Variants in ADGRL3 observed in about 807,000 individuals in gnomAD.
ADGRL3 encodes the protein calcium-independent alpha-latrotoxin receptor 3.
Under a neutral mutation model 153.5 loss-of-function variants are expected in ADGRL3, and 62 were observed. The ratio of observed to expected loss-of-function variants is 0.40; its 90% CI spans 0.33 to 0.50. ADGRL3 has a LOEUF of 0.50. ADGRL3 is among the 20% of genes least tolerant of loss of function. The pLI, the probability that ADGRL3 is intolerant of heterozygous loss-of-function variation, is 0.47. For synonymous variants in ADGRL3, 710 were observed against 672.5 expected (o/e 1.06, Z -0.86); for missense variants, 1,641 against 1,859.4 (o/e 0.88, Z 2.16).
intron 4 of ADGRL3, among the ~76,000 whole-genome samples, chr4:61,561,746 A>T: frequency 6.6e-6 from 1 of 152,244 alleles, no homozygotes. Flanking sequence ...ATAAAAATGT[A>T]TCATATAAAC....
chr4:61,589,294 G>C (rs1218520281), intron 5 of ADGRL3, among the ~76,000 whole-genome samples: 2 of 152,076 alleles, frequency 1.3e-5, no homozygotes, highest in African/African-American at 4.8e-5. Flanking sequence ...AAATGTACTA[G>C]ATTTAGACTT....
chr4:61,262,434 C>T (rs546629541), intron 1 of ADGRL3, among the ~76,000 whole-genome samples: 14 of 152,034 alleles, frequency 9.2e-5, no homozygotes, highest in South Asian at 2.1e-4. Context: ...AAATTAAGGT[C>T]GCCATTGTGT....
At chr4:61,227,446 C>T (rs554971061) in intron 1 of ADGRL3, among the ~76,000 whole-genome samples, 12 of 152,212 alleles carry the variant, frequency 7.9e-5, no homozygotes, top group Middle Eastern at 3.4e-3. Context: ...TGGACTCAAG[C>T]GATCCTTCCT....
At chr4:61,695,441 G>A (rs942297396) in intron 6 of ADGRL3, among the ~76,000 whole-genome samples, 1 of 152,104 alleles carries the variant, frequency 6.6e-6, no homozygotes, top group African/African-American at 2.4e-5. Flanking sequence ...TTTCTGAGTA[G>A]CAGGTCTCCA....
intron 17 of ADGRL3, among the ~76,000 whole-genome samples, chr4:61,977,732 T>TA (rs547555029): frequency 2.0e-5 from 3 of 152,102 alleles, no homozygotes; most frequent in Non-Finnish European, 2.9e-5. Context: ...AGGATGAAGT[T>TA]AAAAAAATGA....
intron 5 of ADGRL3, among the ~76,000 whole-genome samples, chr4:61,641,357 A>T (rs958323580): frequency 9.9e-5 from 15 of 151,650 alleles, no homozygotes; most frequent in Non-Finnish European, 1.3e-4. Context: ...ACATATGTAT[A>T]CATGTGCCAT....
intron 9 of ADGRL3, among the ~76,000 whole-genome samples, chr4:61,817,524 A>G (rs906730106): frequency 1.3e-5 from 2 of 152,032 alleles, no homozygotes; most frequent in African/African-American, 4.8e-5. Context: ...AACACTCATC[A>G]GGATGACCTG....
chr4:61,966,505 T>C (rs1308018938), intron 17 of ADGRL3, among the ~76,000 whole-genome samples: 1 of 152,146 alleles, frequency 6.6e-6, no homozygotes, highest in Non-Finnish European at 1.5e-5. Context: ...TGATTACTTT[T>C]CCTTACTCTT....
At position 61,821,231 on chromosome 4, in the gene ADGRL3, C is replaced by T. The variant is rs185341747; in HGVS notation, c.1480+7342C>T. 3.2e-4 allele frequency among the ~76,000 whole-genome samples: 48 copies of T among 151,142 alleles called. No individual in the cohort carries two copies. In the East Asian group the frequency reaches 9.0e-3, roughly 28 times the overall value. On this transcript the variant is annotated intron_variant, in intron 9 of 26. Coordinates refer to ENST00000683033, the MANE Select transcript of ADGRL3 (RefSeq NM_001387552.1). ...AAGACATTAACTTCTAAAAAATGCC[C>T]TCCTAATGCCATACTAATGATGCTA...
chr4:61,866,984 A>C (rs2098404316), intron 9 of ADGRL3, among the ~76,000 whole-genome samples: 1 of 152,180 alleles, frequency 6.6e-6, no homozygotes, highest in Admixed American at 6.5e-5. Flanking sequence ...AGACCGTATA[A>C]GGATTATATT....
At chr4:62,030,501 C>T (rs1721431365) in intron 22 of ADGRL3, among the ~76,000 whole-genome samples, 1 of 151,676 alleles carries the variant, frequency 6.6e-6, no homozygotes, top group Non-Finnish European at 1.5e-5. Context: ...GTTGCAAGAA[C>T]ATTTTATCTT....
At chr4:61,893,958 G>A (rs991326924) in intron 10 of ADGRL3, among the ~76,000 whole-genome samples, 1 of 151,936 alleles carries the variant, frequency 6.6e-6, no homozygotes, top group Non-Finnish European at 1.5e-5. Flanking sequence ...TGATCAGCCC[G>A]CCTCAGCCTC....
chr4:61,972,207 G>C (rs1011450619), intron 17 of ADGRL3, among the ~76,000 whole-genome samples: 6 of 152,184 alleles, frequency 3.9e-5, no homozygotes, highest in African/African-American at 1.2e-4. Context: ...ATTGCTTTTG[G>C]TGTTTTAGAC....
At chr4:61,552,030 G>A (rs2098742631) in intron 4 of ADGRL3, among the ~76,000 whole-genome samples, 1 of 151,978 alleles carries the variant, frequency 6.6e-6, no homozygotes, top group South Asian at 2.1e-4. Flanking sequence ...TTTATTAGAT[G>A]GATTACATTT....
At chr4:61,271,825 T>C (rs936966480) in intron 1 of ADGRL3, among the ~76,000 whole-genome samples, 1 of 151,854 alleles carries the variant, frequency 6.6e-6, no homozygotes, top group African/African-American at 2.4e-5. Flanking sequence ...AGTAAAAGGG[T>C]TTCCCTTTCA....
intron 24 of ADGRL3, among the ~76,000 whole-genome samples, chr4:62,041,586 A>C (rs1462479238): frequency 2.0e-5 from 3 of 152,036 alleles, no homozygotes; most frequent in Non-Finnish European, 4.4e-5. Flanking sequence ...ACCAATCCCT[A>C]TGCCTTCCTC....
chr4:61,664,346 T>A (rs2150644554), intron 5 of ADGRL3, among the ~76,000 whole-genome samples: 1 of 152,314 alleles, frequency 6.6e-6, no homozygotes, highest in South Asian at 2.1e-4. Context: ...CTTTAAATTT[T>A]AAATGTGGTT....
intron 4 of ADGRL3, among the ~76,000 whole-genome samples, chr4:61,564,966 A>T (rs775150034): frequency 6.6e-6 from 1 of 152,228 alleles, no homozygotes; most frequent in African/African-American, 2.4e-5. Flanking sequence ...TAAAACAATC[A>T]CAATAGTAAC....
intron 5 of ADGRL3, among the ~76,000 whole-genome samples, chr4:61,648,293 T>G (rs1227567493): frequency 6.6e-6 from 1 of 151,604 alleles, no homozygotes; most frequent in African/African-American, 2.4e-5. Flanking sequence ...AGAAATCTTT[T>G]ATACTTAATC....
Sources: allele counts gnomAD v4.1 joint callset (sites outside exome capture counted in the v4.1 genomes callset), GRCh38; gene constraint gnomAD v4.1.1; transcripts MANE v1.5; gene names NCBI Gene and HGNC (gene_info 2026-07-23, HGNC 2026-07-21).